The following TMEM196 variants were observed in gnomAD, a reference collection of about 807,000 sequenced individuals.
The protein encoded by TMEM196 is transmembrane protein 196.
A neutral mutation model predicts 20.0 loss-of-function variants in TMEM196; 17 were observed. That is an observed-to-expected ratio of 0.85 (90% CI 0.58 to 1.27). The LOEUF is 1.27. Ranked by LOEUF, TMEM196 falls within the 50% of genes most tolerant of loss-of-function variation. The pLI is 0.00. For synonymous variants in TMEM196, 113 were observed against 88.9 expected, an observed-to-expected ratio of 1.27 and a Z score of -1.52; for missense variants, 267 against 223.0, an observed-to-expected ratio of 1.20 and a Z score of -1.26.
At chr7:19,750,852 T>C (rs1023320898) in intron 1 of TMEM196, among the ~76,000 whole-genome samples, 2 of 152,182 alleles carry the variant, frequency 1.3e-5, no homozygotes, top group Non-Finnish European at 2.9e-5. Context: ...TTTTAAAATA[T>C]TGGTTTTAAA....
At position 19,734,727 on chromosome 7, in the gene TMEM196, C is replaced by T. The variant is rs527466640; in HGVS notation, c.148-5289G>A. On this transcript the variant is annotated intron_variant, in intron 1 of 4. Transcript: ENST00000405844. Reference sequence around the variant, plus strand: ...TGGAGCCTCCAGAAAGAATGTAGCCCTAAAGACTAATTTTAGACTTCTGCC... The same window carrying T: ...TGGAGCCTCCAGAAAGAATGTAGCCTTAAAGACTAATTTTAGACTTCTGCC... Among the ~76,000 whole-genome samples, 14 of 152,238 alleles carry T rather than the reference C, an allele frequency of 9.2e-5. No homozygotes were observed. In the South Asian group the frequency reaches 1.0e-3, roughly 11 times the overall value.
intron 1 of TMEM196, among the ~76,000 whole-genome samples, chr7:19,754,364 G>A (rs1362459865): frequency 6.6e-6 from 1 of 152,124 alleles, no homozygotes; most frequent in Non-Finnish European, 1.5e-5. Context: ...TCTCAGCCAA[G>A]TGCTTCATTC....
intron 1 of TMEM196, among the ~76,000 whole-genome samples, chr7:19,758,804 G>T (rs148539697): frequency 1.3e-5 from 2 of 152,092 alleles, no homozygotes; most frequent in African/African-American, 4.8e-5. Flanking sequence ...TCCAAGACTC[G>T]TATCTGCATT....
chr7:19,722,171 T>C, intron 4 of TMEM196, 37 bp from the exon 5 acceptor site: 1 of 1,564,560 alleles, frequency 6.4e-7, no homozygotes. Flanking sequence ...AAAATTCGCT[T>C]TTGGAGTAAG....
At chr7:19,747,394 T>C (rs1469585534) in intron 1 of TMEM196, among the ~76,000 whole-genome samples, 2 of 152,232 alleles carry the variant, frequency 1.3e-5, no homozygotes, top group Non-Finnish European at 2.9e-5. Context: ...ATAATTTTAA[T>C]GAACTAAATA....
chr7:19,746,119 T>C (rs1462500246), intron 1 of TMEM196, among the ~76,000 whole-genome samples: 1 of 152,166 alleles, frequency 6.6e-6, no homozygotes, highest in Non-Finnish European at 1.5e-5. Context: ...ACGTTACCTA[T>C]TATTTCTGAA....
chr7:19,751,095 G>A (rs1174570709), intron 1 of TMEM196, among the ~76,000 whole-genome samples: 1 of 152,110 alleles, frequency 6.6e-6, no homozygotes, highest in Admixed American at 6.6e-5. Flanking sequence ...ATGCAGAATG[G>A]CATGATTTTT....
At chr7:19,733,581 TA>T in intron 1 of TMEM196, among the ~76,000 whole-genome samples, 1 of 151,716 alleles carries the variant, frequency 6.6e-6, no homozygotes. Context: ...GGCAGAAGGG[TA>T]GCAAAGCTTC....
intron 1 of TMEM196, among the ~76,000 whole-genome samples, chr7:19,730,763 T>C (rs532735216): frequency 6.6e-6 from 1 of 152,146 alleles, no homozygotes; most frequent in South Asian, 2.1e-4. Context: ...GTAAGGGAAG[T>C]TGTTGCAAAG....
At chr7:19,754,707 C>T (rs1382532850) in intron 1 of TMEM196, among the ~76,000 whole-genome samples, 1 of 152,090 alleles carries the variant, frequency 6.6e-6, no homozygotes, top group Admixed American at 6.5e-5. Flanking sequence ...AACAGAACCT[C>T]TAGGTGGCGA....
At chr7:19,725,128 C>T (rs1216977053) in intron 3 of TMEM196, among the ~76,000 whole-genome samples, 1 of 152,112 alleles carries the variant, frequency 6.6e-6, no homozygotes, top group African/African-American at 2.4e-5. Flanking sequence ...AAATGCATCT[C>T]CTTAATAGAA....
At chr7:19,725,347 GA>G (rs1783956231) in intron 3 of TMEM196, among the ~76,000 whole-genome samples, 166 bp downstream of exon 3, 1 of 152,166 alleles carries the variant, frequency 6.6e-6, no homozygotes, top group African/African-American at 2.4e-5. Context: ...GTGTACCCAT[GA>G]ATTGCAGAGA....
intron 1 of TMEM196, among the ~76,000 whole-genome samples, chr7:19,748,878 A>G (rs1784859100): frequency 6.6e-6 from 1 of 152,162 alleles, no homozygotes; most frequent in Non-Finnish European, 1.5e-5. Context: ...ATTCCTTAAA[A>G]TCATGTTTTC....
intron 3 of TMEM196, among the ~76,000 whole-genome samples, 199 bp from the exon 4 acceptor site, chr7:19,724,552 A>T (rs1417044528): frequency 6.6e-6 from 1 of 152,206 alleles, no homozygotes; most frequent in Middle Eastern, 3.2e-3. Flanking sequence ...AAGGACATGC[A>T]TAGCTGTGTT....
intron 4 of TMEM196, among the ~76,000 whole-genome samples, chr7:19,723,988 C>T (rs1783899666): frequency 6.6e-6 from 1 of 151,662 alleles, no homozygotes; most frequent in Non-Finnish European, 1.5e-5. Context: ...TGAGTCAGAA[C>T]CATGAAGTAG....
chr7:19,772,840 G>T lies in TMEM196; in HGVS notation c.-144C>A, dbSNP rs1785943967. The T allele has an allele frequency of 1.2e-6, 1 of 809,292 alleles. No homozygotes were observed. Among genetic ancestry groups the T allele is most frequent in the East Asian group, 3.3e-5 (1 of 30,346 alleles). 50.1% of individuals were successfully genotyped at this position (809,292 alleles called of 1,614,324 possible). A position where few individuals can be genotyped will look rare whatever the true frequency, so the allele number is the denominator to read the frequency against. On this transcript the variant is annotated 5_prime_UTR_variant, in exon 1 of 5. Transcript: ENST00000405844. The stretch of plus-strand genomic sequence containing the variant: ...CAAGAGCGAGGCATTATCCACAAGG[G>T]CTGGATTTCCAGAAACGAAGACCTT...
At chr7:19,732,305 T>C (rs1784231136) in intron 1 of TMEM196, among the ~76,000 whole-genome samples, 1 of 152,192 alleles carries the variant, frequency 6.6e-6, no homozygotes, top group Non-Finnish European at 1.5e-5. Flanking sequence ...CTGGGCATGG[T>C]GGCTCACACC....
chr7:19,726,906 G>T (rs907750778), intron 2 of TMEM196, among the ~76,000 whole-genome samples: 1 of 151,724 alleles, frequency 6.6e-6, no homozygotes, highest in African/African-American at 2.4e-5. Flanking sequence ...TTCAATATGG[G>T]TTACTCATTC....
rs571105848 is a variant in TMEM196, at chr7:19,719,915, T to G, written c.*2213A>C. The G allele has an allele frequency of 4.6e-5, 7 of 152,214 alleles. No homozygotes were observed. Among genetic ancestry groups the G allele is most frequent in the Admixed American group, 2.6e-4 (4 of 15,270 alleles). The allele number at this position is 152,214 out of a possible 1,614,324, so 9.4% of individuals were successfully genotyped here. On this transcript the variant is annotated 3_prime_UTR_variant, in exon 5 of 5. Coordinates refer to ENST00000405844, the MANE Select transcript of TMEM196 (RefSeq NM_001363562.2). Reference sequence around the variant, plus strand: ...TCCTTTTGTCCTTTAATGTGTTATGTTATAGATCAGTTCAAAAGGCATTAC... The same window carrying G: ...TCCTTTTGTCCTTTAATGTGTTATGGTATAGATCAGTTCAAAAGGCATTAC...
Sources: gnomAD v4.1 joint callset for allele counts (sites outside exome capture counted in the v4.1 genomes callset) on GRCh38, gnomAD v4.1.1 for gene constraint, MANE v1.5 for transcripts, NCBI Gene and HGNC (gene_info 2026-07-23, HGNC 2026-07-21) for gene names.